Variants in MACROD2 observed in about 807,000 individuals in gnomAD.
MACROD2 encodes the protein mono-ADP ribosylhydrolase 2.
Under a neutral mutation model 70.4 loss-of-function variants are expected in MACROD2, and 36 were observed. The observed-to-expected ratio is 0.51, with a 90% CI of 0.39 to 0.68. The LOEUF is 0.68. Ranked by LOEUF, MACROD2 falls within the 30% of genes least tolerant of loss-of-function variation. MACROD2 has a pLI of 0.00. For synonymous variants in MACROD2, 172 were observed against 178.8 expected (o/e 0.96, Z 0.30); for missense variants, 496 against 538.4 (o/e 0.92, Z 0.78).
At chr20:15,477,105 T>TG (rs1205149651) in intron 7 of MACROD2, among the ~76,000 whole-genome samples, 1 of 147,086 alleles carries the variant, frequency 6.8e-6, no homozygotes, top group Non-Finnish European at 1.5e-5. Flanking sequence ...TTTAGTTTTT[T>TG]TTTTTTTTTT....
intron 6 of MACROD2, among the ~76,000 whole-genome samples, chr20:15,273,688 A>C (rs577518511): frequency 8.3e-4 from 127 of 152,202 alleles, no homozygotes; most frequent in African/African-American, 3.0e-3. Flanking sequence ...CTCTGCACTT[A>C]GTGTGTCTGG....
chr20:14,537,033 A>G (rs2085374813), intron 4 of MACROD2, among the ~76,000 whole-genome samples: 1 of 152,150 alleles, frequency 6.6e-6, no homozygotes, highest in Non-Finnish European at 1.5e-5. Flanking sequence ...TGGCCATGAT[A>G]TTAGCCTAGA....
intron 5 of MACROD2, among the ~76,000 whole-genome samples, chr20:14,774,821 G>C (rs2072213835): frequency 6.6e-6 from 1 of 152,020 alleles, no homozygotes; most frequent in African/African-American, 2.4e-5. Context: ...CATACTTTTT[G>C]AATTCATAGA....
intron 8 of MACROD2, among the ~76,000 whole-genome samples, chr20:15,833,215 G>A (rs2064076752): frequency 6.6e-6 from 1 of 152,154 alleles, no homozygotes; most frequent in Admixed American, 6.5e-5. Flanking sequence ...TATAATTGAT[G>A]GCTGAAAATA....
At chr20:15,665,409 T>C (rs899889265) in intron 8 of MACROD2, among the ~76,000 whole-genome samples, 3 of 152,180 alleles carry the variant, frequency 2.0e-5, no homozygotes, top group African/African-American at 7.2e-5. Flanking sequence ...ACCCCTTACA[T>C]GTAAACTACC....
intron 3 of MACROD2, among the ~76,000 whole-genome samples, chr20:14,103,989 TACAC>T: frequency 6.6e-6 from 1 of 152,134 alleles, no homozygotes; most frequent in Non-Finnish European, 1.5e-5. Flanking sequence ...CTTTTTTAGG[TACAC>T]ACAGACACAC....
At chr20:14,653,628 T>C (rs1466771365) in intron 4 of MACROD2, among the ~76,000 whole-genome samples, 1 of 152,060 alleles carries the variant, frequency 6.6e-6, no homozygotes, top group African/African-American at 2.4e-5. Flanking sequence ...AGTGCTGGGA[T>C]TACAGGCATG....
At chr20:14,591,760 A>G (rs1457353482) in intron 4 of MACROD2, among the ~76,000 whole-genome samples, 2 of 152,210 alleles carry the variant, frequency 1.3e-5, no homozygotes, top group Admixed American at 6.5e-5. Context: ...CAGGCTAGCT[A>G]GTATTACAAC....
At chr20:14,970,753 C>T (rs1410235892) in intron 5 of MACROD2, among the ~76,000 whole-genome samples, 2 of 152,084 alleles carry the variant, frequency 1.3e-5, no homozygotes, top group African/African-American at 2.4e-5. Context: ...TGGGCTCAAA[C>T]GATCCTCCTG....
intron 6 of MACROD2, among the ~76,000 whole-genome samples, chr20:15,273,850 C>A (rs1403806203): frequency 6.6e-6 from 1 of 152,194 alleles, no homozygotes; most frequent in African/African-American, 2.4e-5. Context: ...CAATGTATTT[C>A]ATTACCCTGA....
At chr20:14,140,668 C>T (rs773431825) in intron 3 of MACROD2, among the ~76,000 whole-genome samples, 3 of 151,980 alleles carry the variant, frequency 2.0e-5, no homozygotes, top group Non-Finnish European at 1.5e-5. Context: ...TTGTGTGTAC[C>T]TCAGCTCCAG....
chr20:15,993,535 T>G (rs2066588144), intron 15 of MACROD2, among the ~76,000 whole-genome samples: 1 of 152,178 alleles, frequency 6.6e-6, no homozygotes, highest in South Asian at 2.1e-4. Context: ...GAGGTTTGTG[T>G]AAGTACACTC....
In MACROD2 at chr20:14,326,138, C is replaced by G; in HGVS notation, c.272-167341C>G. On this transcript the variant is annotated intron_variant, in intron 3 of 17. Transcript: ENST00000684519. The surrounding 1 kb of genome is among the most constrained non-coding windows in gnomAD (Gnocchi z 5.5). ...AAGTACTCACTGCGTTCCCCTGTTA[C>G]AATTGTTTCTGTTATAGATCCAAAT... The G allele has an allele frequency of 6.2e-7, 1 of 1,613,888 alleles. No homozygotes were observed. Among genetic ancestry groups the G allele is most frequent in the African/African-American group, 1.3e-5 (1 of 75,038 alleles).
intron 4 of MACROD2, among the ~76,000 whole-genome samples, chr20:14,679,475 G>A (rs2070903700): frequency 6.6e-6 from 1 of 151,922 alleles, no homozygotes; most frequent in South Asian, 2.1e-4. Flanking sequence ...ATTTATGAAG[G>A]GTCTAAACAC....
intron 3 of MACROD2, among the ~76,000 whole-genome samples, chr20:14,116,094 A>G (rs2054510014): frequency 6.6e-6 from 1 of 152,180 alleles, no homozygotes. Context: ...GACAGCAATG[A>G]TAGATTTTGA....
At chr20:14,039,751 A>G (rs2053364886) in intron 2 of MACROD2, among the ~76,000 whole-genome samples, 1 of 151,732 alleles carries the variant, frequency 6.6e-6, no homozygotes, top group Non-Finnish European at 1.5e-5. Flanking sequence ...ATATTGATAT[A>G]ATTGTCTTTT....
chr20:15,204,090 T>C (rs799183), intron 5 of MACROD2, among the ~76,000 whole-genome samples: 28,479 of 151,996 alleles, frequency 0.19, 2,897 homozygotes, highest in African/African-American at 0.26. Flanking sequence ...GGTTTTACTT[T>C]ATTAATCATA....
intron 3 of MACROD2, among the ~76,000 whole-genome samples, chr20:14,244,585 A>G (rs1290366827): frequency 1.3e-5 from 2 of 152,224 alleles, no homozygotes; most frequent in African/African-American, 4.8e-5. Flanking sequence ...CAAAGGCCCT[A>G]ACCCAAGAAC....
intron 4 of MACROD2, among the ~76,000 whole-genome samples, chr20:14,573,200 C>A (rs17227104): frequency 0.18 from 27,748 of 152,018 alleles, 3,304 homozygotes; most frequent in Non-Finnish European, 0.26. Flanking sequence ...GGCCCAGTCA[C>A]TTAATTTTCT....
Sources: allele counts gnomAD v4.1 joint callset (sites outside exome capture counted in the v4.1 genomes callset), GRCh38; gene constraint gnomAD v4.1.1; non-coding constraint Gnocchi (gnomAD v3.1); transcripts MANE v1.5; gene names NCBI Gene and HGNC (gene_info 2026-07-23, HGNC 2026-07-21).